Variants in LRP1B observed in about 807,000 individuals in gnomAD.
LRP1B encodes LDL receptor related protein 1B.
LRP1B carries 217 observed loss-of-function variants against 556.6 expected under a neutral mutation model. The observed-to-expected ratio is 0.39, with a 90% CI of 0.35 to 0.44. LRP1B has a LOEUF of 0.44. Among genes scored for constraint, LRP1B ranks in the 20% least tolerant of loss-of-function variants. The probability of loss-of-function intolerance (pLI) is 1.00; values close to 1 mark genes in which losing one functional copy is unlikely to be tolerated. For missense variants in LRP1B, 5,053 were observed against 5,620.8 expected, an observed-to-expected ratio of 0.90 and a Z score of 3.23; for synonymous variants, 2,047 against 1,865.8, an observed-to-expected ratio of 1.10 and a Z score of -2.50.
intron 3 of LRP1B, among the ~76,000 whole-genome samples, chr2:141,367,642 C>T (rs1689093425): frequency 2.0e-5 from 3 of 151,534 alleles, no homozygotes; most frequent in African/African-American, 2.4e-5. Flanking sequence ...GCCACCATGC[C>T]CGGCTAATTT....
At chr2:141,675,486 C>T (rs567637221) in intron 2 of LRP1B, among the ~76,000 whole-genome samples, 32 of 150,696 alleles carry the variant, frequency 2.1e-4, no homozygotes, top group Non-Finnish European at 4.0e-4. Context: ...TTTTAATAAT[C>T]TTGATCACCT....
chr2:141,140,395 C>A (rs16845490), intron 7 of LRP1B, among the ~76,000 whole-genome samples: 26,805 of 151,948 alleles, frequency 0.18, 2,582 homozygotes, highest in Middle Eastern at 0.28. Flanking sequence ...AAATGATATA[C>A]ATTGGGTGCT....
intron 1 of LRP1B, among the ~76,000 whole-genome samples, chr2:141,934,226 T>C (rs1050345251): frequency 1.1e-4 from 17 of 151,928 alleles, no homozygotes; most frequent in African/African-American, 4.1e-4. Context: ...TCATAGAGTC[T>C]AGTAAAAAAA....
At chr2:140,579,805 GCA>G (rs1421687278) in intron 43 of LRP1B, among the ~76,000 whole-genome samples, 1 of 152,176 alleles carries the variant, frequency 6.6e-6, no homozygotes, top group African/African-American at 2.4e-5. Flanking sequence ...TCGCGCCACT[GCA>G]CTCCAGCCTG....
At chr2:141,257,354 T>C (rs1684511517) in intron 3 of LRP1B, among the ~76,000 whole-genome samples, 1 of 152,118 alleles carries the variant, frequency 6.6e-6, no homozygotes, top group Admixed American at 6.5e-5. Context: ...ATTCACTCAG[T>C]GAGTCAAATT....
chr2:140,456,682 T>G (rs1464802228), intron 61 of LRP1B, 79 bp from the exon 62 acceptor site: 6 of 1,263,168 alleles, frequency 4.7e-6, no homozygotes, highest in Non-Finnish European at 6.5e-6. Flanking sequence ...GAGATAGGAC[T>G]TTTAAGCTGC....
chr2:140,643,758 G>A (rs535130771), intron 41 of LRP1B, among the ~76,000 whole-genome samples: 6 of 152,168 alleles, frequency 3.9e-5, no homozygotes, highest in South Asian at 4.2e-4. Context: ...TTGAATGTAC[G>A]TAATCACTAT....
At chr2:141,332,461 A>T (rs1687688861) in intron 3 of LRP1B, among the ~76,000 whole-genome samples, 1 of 151,284 alleles carries the variant, frequency 6.6e-6, no homozygotes, top group Admixed American at 6.6e-5. Context: ...AAAAAAAAAA[A>T]GCATGAATTT....
At chr2:140,957,681 G>A (rs973403568) in intron 18 of LRP1B, among the ~76,000 whole-genome samples, 4 of 151,432 alleles carry the variant, frequency 2.6e-5, no homozygotes, top group African/African-American at 4.8e-5. Flanking sequence ...ATATAAAAAC[G>A]TTGCCTGTGC....
intron 66 of LRP1B, among the ~76,000 whole-genome samples, chr2:140,421,296 T>C (rs970214650): frequency 2.0e-4 from 30 of 152,292 alleles, no homozygotes; most frequent in Non-Finnish European, 2.6e-4. Context: ...GTTTCCTGTA[T>C]GTCAATTATA....
At chr2:140,317,400 G>C (rs1684570345) in intron 82 of LRP1B, among the ~76,000 whole-genome samples, 1 of 152,062 alleles carries the variant, frequency 6.6e-6, no homozygotes, top group African/African-American at 2.4e-5. Context: ...AAAAATCACA[G>C]CAGTGTTATG....
At chr2:141,826,275 A>G (rs1696917745) in intron 1 of LRP1B, among the ~76,000 whole-genome samples, 1 of 150,834 alleles carries the variant, frequency 6.6e-6, no homozygotes, top group African/African-American at 2.4e-5. Context: ...TTACCTTCAT[A>G]TTGGTAAATA....
chr2:141,261,210 A>G (rs575800598), intron 3 of LRP1B, among the ~76,000 whole-genome samples: 1 of 152,266 alleles, frequency 6.6e-6, no homozygotes, highest in African/African-American at 2.4e-5. Flanking sequence ...GCCGTTGCTT[A>G]TGACTGCTTA....
chr2:140,718,820 A>G (rs1687298583), intron 35 of LRP1B, among the ~76,000 whole-genome samples: 1 of 152,046 alleles, frequency 6.6e-6, no homozygotes, highest in African/African-American at 2.4e-5. Context: ...CCTGTTCCTA[A>G]AATAAAATAT....
At chr2:140,852,727 T>C (rs1423409534) in intron 27 of LRP1B, among the ~76,000 whole-genome samples, 1 of 152,198 alleles carries the variant, frequency 6.6e-6, no homozygotes, top group African/African-American at 2.4e-5. Context: ...ATAAATGACT[T>C]ATGATTTTTC....
At chr2:142,130,622 G>A (rs755351358) in intron 1 of LRP1B, 26 bp downstream of exon 1, 2 of 1,587,656 alleles carry the variant, frequency 1.3e-6, no homozygotes, top group Non-Finnish European at 1.7e-6. Flanking sequence ...AGTCAGGGGA[G>A]GGGAGCGGGG....
chr2:142,121,628 C>T (rs144984825), intron 1 of LRP1B, among the ~76,000 whole-genome samples: 16 of 152,284 alleles, frequency 1.1e-4, no homozygotes, highest in South Asian at 8.3e-4. Flanking sequence ...ATTATAACTA[C>T]GACTCCCAAT....
chr2:142,062,594 G>A (rs190183446), intron 1 of LRP1B, among the ~76,000 whole-genome samples: 3 of 151,554 alleles, frequency 2.0e-5, no homozygotes, highest in Admixed American at 6.6e-5. Flanking sequence ...ACAGCATTTG[G>A]GTCCTTATGA....
intron 1 of LRP1B, among the ~76,000 whole-genome samples, chr2:142,074,069 C>T (rs1705415317): frequency 6.6e-6 from 1 of 152,006 alleles, no homozygotes; most frequent in African/African-American, 2.4e-5. Context: ...TTCATTCTTG[C>T]CACTCTCCTG....
Sources: gnomAD v4.1 joint callset for allele counts (sites outside exome capture counted in the v4.1 genomes callset) on GRCh38, gnomAD v4.1.1 for gene constraint, MANE v1.5 for transcripts, NCBI Gene and HGNC (gene_info 2026-07-23, HGNC 2026-07-21) for gene names.